Variants in GUK1 observed in about 807,000 individuals in gnomAD.
GUK1 encodes the protein guanylate kinase 1.
A neutral mutation model predicts 25.2 loss-of-function variants in GUK1; 18 were observed. The ratio of observed to expected loss-of-function variants is 0.71; its 90% CI spans 0.49 to 1.06. The LOEUF (loss-of-function observed/expected upper bound fraction) is 1.06. Among genes scored for constraint, GUK1 ranks in the 50% least tolerant of loss-of-function variants. GUK1 has a pLI of 0.00. For synonymous variants in GUK1, 105 were observed against 117.6 expected (o/e 0.89, Z 0.69); for missense variants, 261 against 276.7 (o/e 0.94, Z 0.40).
At chr1:228,146,350 A>C in intron 4 of GUK1, 1 of 523,214 alleles carries the variant, frequency 1.9e-6, no homozygotes, top group Non-Finnish European at 3.4e-6. Flanking sequence ...CCTGTCCTGG[A>C]CTCGGCACTT....
In GUK1 at chr1:228,148,896, C is replaced by T; in HGVS notation, c.*199C>T. The T allele has an allele frequency of 1.5e-6, 2 of 1,335,154 alleles. No individual in the cohort carries two copies. Among genetic ancestry groups the T allele is most frequent in the Non-Finnish European group, 2.1e-6 (2 of 970,342 alleles). The allele number at this position is 1,335,154 out of a possible 1,614,324, so 82.7% of individuals were successfully genotyped here. On this transcript the variant is annotated 3_prime_UTR_variant, in exon 9 of 9. Coordinates refer to ENST00000312726, the MANE Select transcript of GUK1 (RefSeq NM_000858.7). ...TGGGCTGTCCCCTGTCCCTATCTCT[C>T]ACTCTGGACCCAGGGCTGACATCCT...
intron 7 of GUK1, chr1:228,148,015 G>A (rs921904954): frequency 3.4e-6 from 2 of 581,296 alleles, no homozygotes; most frequent in African/African-American, 3.7e-5. Flanking sequence ...GGGGTGTCAT[G>A]TGCATCCTCT....
chr1:228,146,545 TC>T lies in GUK1; in HGVS notation c.155-292del. The stretch of plus-strand genomic sequence containing the variant: ...ACGGTCTCCAGTTCCCCCACCACCT[TC>T]CCCCAGAACCTGTTGGTCTCCAGTC... On this transcript the variant is annotated intron_variant, in intron 4 of 8. Transcript: ENST00000312726. The T allele has an allele frequency of 6.3e-6, 3 of 474,092 alleles. No individual in the cohort carries two copies. The South Asian group carries it at 7.6e-5, about 12-fold the overall frequency. The allele number at this position is 474,092 out of a possible 1,614,324, so 29.4% of individuals were successfully genotyped here.
intron 4 of GUK1, 181 bp downstream of exon 3, chr1:228,146,248 C>A: frequency 1.7e-6 from 1 of 593,914 alleles, no homozygotes; most frequent in South Asian, 2.1e-5. Context: ...AGCGTGGTGT[C>A]GCCTTCCTTG....
intron 2 of GUK1, chr1:228,141,575 T>A (rs2034054642): frequency 2.1e-6 from 2 of 962,952 alleles, no homozygotes. Flanking sequence ...AAGCCCTCTG[T>A]TAGCATCTCC....
intron 2 of GUK1, chr1:228,144,683 A>C: frequency 1.0e-6 from 1 of 980,284 alleles, no homozygotes; most frequent in Non-Finnish European, 1.2e-6. Flanking sequence ...GGGACTCAGC[A>C]CCCCCAGCTC....
Position 228,140,391 on chromosome 1 carries a change from G to C in GUK1, c.-168+28G>C. The C allele has an allele frequency of 2.7e-6, 4 of 1,473,180 alleles. No individual in the cohort carries two copies. In the South Asian group the frequency reaches 5.1e-5, roughly 19 times the overall value. 91.3% of individuals were successfully genotyped at this position (1,473,180 alleles called of 1,614,324 possible). ...GAGTACGACAAGCGCGATCGCGAGGGTGACTCGGGTCGAGGCGGCAGCGGT... is the reference window on the plus strand; with the variant it reads ...GAGTACGACAAGCGCGATCGCGAGGCTGACTCGGGTCGAGGCGGCAGCGGT... On this transcript the variant is annotated intron_variant, in intron 1 of 8. Coordinates refer to ENST00000312726, the MANE Select transcript of GUK1 (RefSeq NM_000858.7).
rs371029606 is a variant in GUK1 at position 228,147,604 on chromosome 1, C to T, written c.391-11C>T. On this transcript the variant is annotated splice_polypyrimidine_tract_variant and intron_variant, in intron 6 of 8. Transcript: ENST00000312726. ...GGGCATGCCAGGCTCTGATTGCCACCCCCTTTTTAGGAGCAGCGGCTGCGG... is the reference window on the plus strand; with the variant it reads ...GGGCATGCCAGGCTCTGATTGCCACTCCCTTTTTAGGAGCAGCGGCTGCGG... The T allele has an allele frequency of 2.5e-6, 4 of 1,613,130 alleles. No homozygotes were observed. In the South Asian group the frequency reaches 3.3e-5, roughly 13 times the overall value.
intron 2 of GUK1, chr1:228,141,957 C>A: frequency 3.7e-6 from 1 of 272,678 alleles, no homozygotes; most frequent in Non-Finnish European, 6.5e-6. Context: ...AGGAAGACAC[C>A]TTTGGCGCAT....
At chr1:228,144,569 C>G (rs2034262979) in intron 2 of GUK1, 1 of 188,846 alleles carries the variant, frequency 5.3e-6, no homozygotes, top group Non-Finnish European at 9.8e-6. Context: ...AGCCGCAGAG[C>G]AGGTGGATGG....
intron 2 of GUK1, among the ~76,000 whole-genome samples, chr1:228,143,540 G>A (rs1429133073): frequency 6.6e-6 from 1 of 152,218 alleles, no homozygotes; most frequent in East Asian, 1.9e-4. Context: ...GCGAGAAGCA[G>A]GGGCCAGAAA....
chr1:228,145,935 G>T, intron 3 of GUK1, 91 bp from the exon 3 acceptor site: 1 of 954,234 alleles, frequency 1.0e-6, no homozygotes, highest in South Asian at 1.4e-5. Context: ...CTGCATCCTG[G>T]GGCTCAAGTG....
At position 228,147,001 on chromosome 1, in the gene GUK1, G is replaced by A. The variant is rs967918233; in HGVS notation, c.251+63G>A. The A allele has an allele frequency of 6.0e-5, 65 of 1,090,372 alleles. 1 individual carries two copies. In the Admixed American group the frequency reaches 7.1e-4, roughly 12 times the overall value. The allele number at this position is 1,090,372 out of a possible 1,614,324, so 67.5% of individuals were successfully genotyped here. A position where few individuals can be genotyped will look rare whatever the true frequency, so the allele number is the denominator to read the frequency against. On this transcript the variant is annotated intron_variant, in intron 5 of 8. Transcript: ENST00000312726. ...GCTGTTGGCAACAGGGATCCAGGTAGTGCCTGCTGCCTGCCCGCCATCCAC... is the reference window on the plus strand; with the variant it reads ...GCTGTTGGCAACAGGGATCCAGGTAATGCCTGCTGCCTGCCCGCCATCCAC...
chr1:228,146,558 G>T (rs1213589820), intron 4 of GUK1: 6 of 491,670 alleles, frequency 1.2e-5, no homozygotes, highest in African/African-American at 7.8e-5. Context: ...CCCAGAACCT[G>T]TTGGTCTCCA....
intron 2 of GUK1, among the ~76,000 whole-genome samples, chr1:228,142,302 C>T (rs938887838): frequency 3.9e-5 from 6 of 152,136 alleles, no homozygotes; most frequent in East Asian, 1.9e-4. Flanking sequence ...AGTGTTGGCC[C>T]GTCCAGAGTT....
chr1:228,140,727 G>T (rs150392196), intron 1 of GUK1, among the ~76,000 whole-genome samples: 1 of 152,270 alleles, frequency 6.6e-6, no homozygotes, highest in Non-Finnish European at 1.5e-5. Context: ...GTGCGCTCCG[G>T]TTCCCACCTC....
Position 228,141,220 on chromosome 1 carries a change from G to A in GUK1, c.-71G>A. ...CTGATGGACAGACCCAAACATAGCC[G>A]CGCAGCATCGTGAAGGGCTGGGGCC... On this transcript the variant is annotated 5_prime_UTR_variant, in exon 2 of 9. Transcript: ENST00000312726. 21 of 984,782 alleles carry A rather than the reference G, an allele frequency of 2.1e-5. No homozygotes were observed. The highest frequency in any genetic ancestry group is 2.5e-5 in the Non-Finnish European group (21 of 829,322). The allele number at this position is 984,782 out of a possible 1,614,324, so 61.0% of individuals were successfully genotyped here. A position where few individuals can be genotyped will look rare whatever the true frequency, so the allele number is the denominator to read the frequency against.
At chr1:228,141,911 C>T (rs2034078757) in intron 2 of GUK1, 1 of 509,662 alleles carries the variant, frequency 2.0e-6, no homozygotes, top group South Asian at 3.4e-5. Context: ...GAGTGGAGAG[C>T]ACAGAATGTT....
intron 2 of GUK1, among the ~76,000 whole-genome samples, chr1:228,143,717 T>G (rs1484134347): frequency 1.3e-5 from 2 of 152,000 alleles, no homozygotes; most frequent in African/African-American, 4.8e-5. Context: ...GGCTGGCACG[T>G]AGAGGAGGTG....
Sources: gnomAD v4.1 joint callset for allele counts (sites outside exome capture counted in the v4.1 genomes callset) on GRCh38, gnomAD v4.1.1 for gene constraint, MANE v1.5 for transcripts, NCBI Gene and HGNC (gene_info 2026-07-23, HGNC 2026-07-21) for gene names.